PRRC2C: variants seen among roughly 807,000 people sequenced by gnomAD.
PRRC2C encodes protein PRRC2C.
PRRC2C carries 72 observed loss-of-function variants against 317.2 expected under a neutral mutation model. The ratio of observed to expected loss-of-function variants is 0.23; its 90% confidence interval spans 0.19 to 0.28. The LOEUF is 0.28. PRRC2C is among the 10% of genes least tolerant of loss of function. The pLI, the probability that PRRC2C is intolerant of heterozygous loss-of-function variation, is 1.00. For missense variants in PRRC2C, 3,074 were observed against 3,459.7 expected (o/e 0.89, Z 2.80); for synonymous variants, 1,296 against 1,205.9 (o/e 1.07, Z -1.55).
intron 9 of PRRC2C, 102 bp from the exon 10 acceptor site, chr1:171,524,719 C>A (rs748529597): frequency 1.1e-5 from 13 of 1,212,084 alleles, no homozygotes; most frequent in Non-Finnish European, 1.5e-5. Context: ...ACATTTCCCC[C>A]CCCAGAAACC....
intron 10 of PRRC2C, among the ~76,000 whole-genome samples, chr1:171,526,725 A>C (rs1018492359): frequency 6.6e-6 from 1 of 151,072 alleles, no homozygotes; most frequent in African/African-American, 2.4e-5. Flanking sequence ...AATGAGTGAT[A>C]TGCTTTTATT....
Position 171,541,935 on chromosome 1 carries a change from C to T in PRRC2C, c.4469C>T (p.Ser1490Phe), listed in dbSNP as rs1678024005. The stretch of plus-strand genomic sequence containing the variant: ...ACACCAGATTTATCTAATCAGAACT[C>T]TTCAGATCAGGCAAATGAAGAATGG... The part of the protein sequence containing the change: ...NKTPDLSNQN[S>F]SDQANEEWET... Residue 1490 changes from serine to phenylalanine, a missense_variant, in exon 16 of 35, where the codon TCT becomes TTT. By Grantham distance (155) the Ser-to-Phe change is radical. Transcript: ENST00000647382. The surrounding 1 kb of genome is among the most constrained non-coding windows in gnomAD (Gnocchi z 4.1). The T allele has an allele frequency of 3.1e-6, 5 of 1,613,642 alleles. No homozygotes were observed. The highest frequency in any genetic ancestry group is 4.2e-6 in the Non-Finnish European group (5 of 1,179,842).
At chr1:171,551,825 C>T (rs1420804169) in intron 18 of PRRC2C, among the ~76,000 whole-genome samples, 1 of 152,142 alleles carries the variant, frequency 6.6e-6, no homozygotes, top group Admixed American at 6.5e-5. Context: ...GTCTGTATCT[C>T]TGTTTTGGTA....
intron 23 of PRRC2C, 32 bp downstream of exon 23, chr1:171,568,371 G>T: frequency 1.3e-6 from 2 of 1,569,608 alleles, no homozygotes; most frequent in Non-Finnish European, 1.7e-6. Context: ...TGGCAAGTTT[G>T]GATTGGAACC....
In PRRC2C at chr1:171,568,351, G is replaced by C. The variant is rs371591643; in HGVS notation, c.6651+12G>C. 1.3e-6 allele frequency: 2 copies of C among 1,585,296 alleles called. No homozygotes were observed. The highest frequency in any genetic ancestry group is 2.7e-5 in the African/African-American group (2 of 74,392). On this transcript the variant is annotated intron_variant, in intron 23 of 34. Transcript: ENST00000647382. ...CTTTGGTTAATAATGTAAGTAATCA[G>C]TTTGAGATGTGGCAAGTTTGGATTG...
At chr1:171,547,283 A>G (rs1679291396) in intron 17 of PRRC2C, among the ~76,000 whole-genome samples, 1 of 152,202 alleles carries the variant, frequency 6.6e-6, no homozygotes, top group African/African-American at 2.4e-5. Flanking sequence ...TAAAATGTTA[A>G]AAAGAAGAGG....
Position 171,571,312 on chromosome 1 carries a change from C to G in PRRC2C, c.6652-8C>G, listed in dbSNP as rs369833808. ...TTAGATTGTGATATGTGTTGCCTAC[C>G]TTTTCAGGTGCCCCTGCCCAACACC... On this transcript the variant is annotated splice_region_variant and splice_polypyrimidine_tract_variant and intron_variant, in intron 23 of 34. Transcript: ENST00000647382. 3.7e-5 allele frequency: 58 copies of G among 1,556,208 alleles called. No homozygotes were observed. The highest frequency in any genetic ancestry group is 5.1e-5 in the Non-Finnish European group (57 of 1,128,168).
rs138111686 is a variant in PRRC2C, at chr1:171,532,383, G to T, written c.1295G>T (p.Gly432Val). 2 of 1,613,838 alleles carry T rather than the reference G, an allele frequency of 1.2e-6. No individual in the cohort carries two copies. Among genetic ancestry groups the T allele is most frequent in the Middle Eastern group, 3.3e-4 (2 of 6,060 alleles). The change falls in exon 12 of 35, where the codon GGC becomes GTC. Residue 432 changes from glycine to valine, a missense_variant. Gly to Val is a moderately radical substitution (Grantham distance 109). Transcript: ENST00000647382. ...PDRQAVPGRPGPFPSKQQVAD... is the reference protein window; with the variant it reads ...PDRQAVPGRPVPFPSKQQVAD... ...CGACAGGCAGTACCTGGAAGACCAG[G>T]CCCCTTTCCCTCCAAGCAGCAAGTA...
Position 171,579,810 on chromosome 1 carries a change from T to G in PRRC2C, c.7273-18T>G. The G allele has an allele frequency of 6.6e-7, 1 of 1,523,688 alleles. No individual in the cohort carries two copies. Among genetic ancestry groups the G allele is most frequent in the Non-Finnish European group, 8.8e-7 (1 of 1,138,518 alleles). The allele number at this position is 1,523,688 out of a possible 1,614,324, so 94.4% of individuals were successfully genotyped here. A position where few individuals can be genotyped will look rare whatever the true frequency, so the allele number is the denominator to read the frequency against. ...GATGTTGATATATATGTTTACATAC[T>G]TTCTCAATGCATTGCAGCCAACTTC... On this transcript the variant is annotated intron_variant, in intron 27 of 34. Coordinates refer to ENST00000647382, the MANE Select transcript of PRRC2C (RefSeq NM_001387844.1).
intron 24 of PRRC2C, among the ~76,000 whole-genome samples, chr1:171,571,862 G>T: frequency 6.6e-6 from 1 of 152,166 alleles, no homozygotes; most frequent in East Asian, 1.9e-4. Context: ...AATGAACACT[G>T]TATGATTATT....
At chr1:171,535,291 G>T in intron 12 of PRRC2C, 137 bp from the exon 13 acceptor site, 3 of 694,102 alleles carry the variant, frequency 4.3e-6, no homozygotes, top group Non-Finnish European at 6.6e-6. Context: ...CAATGTTAAA[G>T]TAGAAAATAA....
intron 23 of PRRC2C, among the ~76,000 whole-genome samples, chr1:171,569,677 A>T (rs538355168): frequency 2.0e-5 from 3 of 146,534 alleles, no homozygotes; most frequent in East Asian, 2.0e-4. Context: ...ACTTCCTTTC[A>T]GTTTAAGTGC....
At chr1:171,513,203 C>G (rs1487718122) in intron 3 of PRRC2C, 31 bp downstream of exon 3, 1 of 1,572,578 alleles carries the variant, frequency 6.4e-7, no homozygotes, top group South Asian at 1.2e-5. Flanking sequence ...GAATGAAGCC[C>G]TTCCCCTTTC....
chr1:171,488,795 G>C (rs1666586170), intron 1 of PRRC2C, among the ~76,000 whole-genome samples: 1 of 152,058 alleles, frequency 6.6e-6, no homozygotes, highest in African/African-American at 2.4e-5. Flanking sequence ...TAGACTCTTA[G>C]ACTGTTAACT....
intron 18 of PRRC2C, 82 bp downstream of exon 18, chr1:171,550,322 C>A: frequency 8.1e-7 from 1 of 1,230,202 alleles, no homozygotes; most frequent in Non-Finnish European, 1.1e-6. Context: ...GGTTTTTATA[C>A]TTGTCAAGGC....
chr1:171,552,152 T>C (rs1481829409), intron 18 of PRRC2C, among the ~76,000 whole-genome samples: 5 of 152,222 alleles, frequency 3.3e-5, no homozygotes, highest in African/African-American at 9.6e-5. Flanking sequence ...CAGTGGTTTC[T>C]AGTTCTTCTT....
At position 171,592,769 on chromosome 1, in the gene PRRC2C, G is replaced by A. The variant is rs1238204089; in HGVS notation, c.*922G>A. ...TGAAGAACAGTGAGTACCTAGAACT[G>A]TGCCACTAATTAAAGGAAATCCTAA... is the stretch of plus-strand genomic sequence containing the variant. On this transcript the variant is annotated 3_prime_UTR_variant, in exon 35 of 35. Transcript: ENST00000647382. The A allele has an allele frequency of 2.0e-5, 3 of 151,660 alleles. No homozygotes were observed. The highest frequency in any genetic ancestry group is 2.9e-5 in the Non-Finnish European group (2 of 67,950). The allele number at this position is 151,660 out of a possible 1,614,324, so 9.4% of individuals were successfully genotyped here.
chr1:171,535,326 T>G (rs1676619824), intron 12 of PRRC2C, 102 bp from the exon 13 acceptor site: 2 of 1,004,238 alleles, frequency 2.0e-6, no homozygotes, highest in Non-Finnish European at 2.8e-6. Context: ...GAGGATATTT[T>G]CTTCCTCATT....
intron 23 of PRRC2C, among the ~76,000 whole-genome samples, chr1:171,568,598 A>T (rs1447107917): frequency 6.6e-6 from 1 of 152,206 alleles, no homozygotes; most frequent in Non-Finnish European, 1.5e-5. Context: ...TCGTGTAAAT[A>T]CTAATCTTAT....
Sources: gnomAD v4.1 joint callset for allele counts (sites outside exome capture counted in the v4.1 genomes callset) on GRCh38, gnomAD v4.1.1 for gene constraint, Gnocchi (gnomAD v3.1) non-coding constraint, MANE v1.5 for transcripts, NCBI Gene and HGNC (gene_info 2026-07-23, HGNC 2026-07-21) for gene names.